Variants in HMGB1 observed in about 807,000 individuals in gnomAD.
HMGB1 encodes the protein high mobility group box 1.
For synonymous variants in HMGB1, 81 were observed against 84.0 expected, an observed-to-expected ratio of 0.96 and a Z score of 0.19; for missense variants, 79 against 253.5, an observed-to-expected ratio of 0.31 and a Z score of 4.67.
At chr13:30,556,996 A>T (rs901215976) in intron 1 of HMGB1, among the ~76,000 whole-genome samples, 1 of 152,242 alleles carries the variant, frequency 6.6e-6, no homozygotes, top group African/African-American at 2.4e-5. Context: ...AAATATAATT[A>T]TGTGCTCTCA....
At chr13:30,538,724 CTTTCT>C (rs1868696675) in intron 1 of HMGB1, among the ~76,000 whole-genome samples, 1 of 72,646 alleles carries the variant, frequency 1.4e-5, no homozygotes, top group South Asian at 4.7e-4. Flanking sequence ...TCTTCTTTTT[CTTTCT>C]TTTTCTTTCT....
At chr13:30,526,374 C>T (rs887996756) in intron 1 of HMGB1, among the ~76,000 whole-genome samples, 9 of 152,148 alleles carry the variant, frequency 5.9e-5, no homozygotes, top group African/African-American at 2.2e-4. Context: ...ATATTATATA[C>T]CACAGACTTG....
intron 1 of HMGB1, among the ~76,000 whole-genome samples, chr13:30,590,663 A>C (rs1179961412): frequency 6.6e-6 from 1 of 152,216 alleles, no homozygotes; most frequent in African/African-American, 2.4e-5. Flanking sequence ...TGTCCCCTCA[A>C]ATTCGTATGT....
At chr13:30,557,023 GT>G (rs1265594856) in intron 1 of HMGB1, among the ~76,000 whole-genome samples, 1 of 152,088 alleles carries the variant, frequency 6.6e-6, no homozygotes, top group East Asian at 1.9e-4. Context: ...TGTACAATTG[GT>G]ATTTGTCAAT....
intron 1 of HMGB1, among the ~76,000 whole-genome samples, chr13:30,472,382 C>T (rs1160212266): frequency 2.6e-5 from 4 of 152,156 alleles, no homozygotes; most frequent in African/African-American, 9.7e-5. Flanking sequence ...AGGCGGATAA[C>T]TTAAGGTCAG....
intron 1 of HMGB1, among the ~76,000 whole-genome samples, chr13:30,475,817 A>G (rs1887083724): frequency 6.6e-6 from 1 of 152,190 alleles, no homozygotes. Context: ...ACATTTCCAC[A>G]TGGGGAGGAT....
intron 1 of HMGB1, among the ~76,000 whole-genome samples, chr13:30,577,382 G>C (rs1466258359): frequency 6.7e-6 from 1 of 150,160 alleles, no homozygotes; most frequent in African/African-American, 2.5e-5. Flanking sequence ...GCCCAGAAGA[G>C]CGTCCTCACC....
At chr13:30,480,383 T>C (rs1887199236) in intron 1 of HMGB1, among the ~76,000 whole-genome samples, 1 of 152,230 alleles carries the variant, frequency 6.6e-6, no homozygotes, top group African/African-American at 2.4e-5. Context: ...ATGAATTCAG[T>C]CTAGGTTTTC....
At chr13:30,514,029 T>C (rs1160553349) in intron 1 of HMGB1, among the ~76,000 whole-genome samples, 1 of 151,990 alleles carries the variant, frequency 6.6e-6, no homozygotes, top group East Asian at 2.0e-4. Flanking sequence ...ACTACAGGTG[T>C]GAACCACTGC....
intron 1 of HMGB1, among the ~76,000 whole-genome samples, chr13:30,597,674 G>A (rs1478969626): frequency 1.3e-5 from 2 of 152,110 alleles, no homozygotes; most frequent in African/African-American, 4.8e-5. Flanking sequence ...TATATGCAAG[G>A]AACAGCACAC....
At chr13:30,519,768 C>T (rs1308976946) in intron 1 of HMGB1, among the ~76,000 whole-genome samples, 1 of 151,950 alleles carries the variant, frequency 6.6e-6, no homozygotes, top group Non-Finnish European at 1.5e-5. Context: ...TTCCTGCCAC[C>T]CTCAAGAACT....
chr13:30,608,294 T>C (rs1950479568), intron 1 of HMGB1, among the ~76,000 whole-genome samples: 1 of 152,168 alleles, frequency 6.6e-6, no homozygotes, highest in Non-Finnish European at 1.5e-5. Flanking sequence ...GGGGAATAAT[T>C]TGTTACATAA....
At chr13:30,538,478 C>CTTTA (rs904602490) in intron 1 of HMGB1, among the ~76,000 whole-genome samples, 1 of 32,170 alleles carries the variant, frequency 3.1e-5, no homozygotes, top group Admixed American at 3.5e-4. Context: ...TTCTTTCTTT[C>CTTTA]TTTCTTTCTT....
chr13:30,566,120 G>A (rs556808307), intron 1 of HMGB1, among the ~76,000 whole-genome samples: 5 of 152,254 alleles, frequency 3.3e-5, no homozygotes, highest in South Asian at 4.1e-4. Flanking sequence ...CCCTTGGTGC[G>A]CAGAAGGGAA....
At chr13:30,482,262 C>T (rs747321709) in intron 1 of HMGB1, among the ~76,000 whole-genome samples, 3 of 152,184 alleles carry the variant, frequency 2.0e-5, no homozygotes, top group Non-Finnish European at 4.4e-5. Flanking sequence ...CTCTCCCTTT[C>T]TCTTTTCTCT....
At chr13:30,463,507 T>G in intron 2 of HMGB1, 24 bp downstream of exon 2, 1 of 1,596,856 alleles carries the variant, frequency 6.3e-7, no homozygotes, top group Non-Finnish European at 8.5e-7. Flanking sequence ...AATTACCTTG[T>G]TAGCATGTTT....
intron 1 of HMGB1, among the ~76,000 whole-genome samples, chr13:30,534,134 A>G (rs1255068803): frequency 6.6e-6 from 1 of 152,220 alleles, no homozygotes; most frequent in African/African-American, 2.4e-5. Context: ...CTGGGATTAT[A>G]TGCGTGAGCC....
intron 1 of HMGB1, among the ~76,000 whole-genome samples, chr13:30,505,103 T>C (rs985275023): frequency 1.3e-5 from 2 of 151,738 alleles, no homozygotes; most frequent in African/African-American, 2.4e-5. Flanking sequence ...CCCAAGTAGC[T>C]GGGACTACAG....
intron 1 of HMGB1, among the ~76,000 whole-genome samples, chr13:30,581,104 T>C (rs1870881043): frequency 6.6e-6 from 1 of 152,046 alleles, no homozygotes; most frequent in African/African-American, 2.4e-5. Context: ...ATTTCTACTG[T>C]AGACAAAGCA....
Sources: gnomAD v4.1 joint callset for allele counts (sites outside exome capture counted in the v4.1 genomes callset) on GRCh38, gnomAD v4.1.1 for gene constraint, MANE v1.5 for transcripts, NCBI Gene and HGNC (gene_info 2026-07-23, HGNC 2026-07-21) for gene names.